The following LCORL variants were observed in gnomAD, a reference collection of about 807,000 sequenced individuals.
LCORL encodes ligand dependent nuclear receptor corepressor like, also known as ligand-dependent nuclear receptor corepressor-like protein.
A neutral mutation model predicts 141.8 loss-of-function variants in LCORL; 41 were observed. That is an observed-to-expected ratio of 0.29 (90% CI 0.23 to 0.38). LCORL has a LOEUF of 0.38. LCORL is among the 10% of genes least tolerant of loss of function. The pLI, the probability that LCORL is intolerant of heterozygous loss-of-function variation, is 1.00. For missense variants in LCORL, 1,759 were observed against 2,035.0 expected (o/e 0.86, Z 2.61); for synonymous variants, 618 against 694.1 (o/e 0.89, Z 1.72).
chr4:17,865,615 T>G (rs1725548146), intron 7 of LCORL, among the ~76,000 whole-genome samples: 1 of 152,228 alleles, frequency 6.6e-6, no homozygotes, highest in Non-Finnish European at 1.5e-5. Flanking sequence ...GAAGAAGTGT[T>G]TAAAGGGAAA....
chr4:17,882,667 T>C (rs1727730830), intron 6 of LCORL: 1 of 984,676 alleles, frequency 1.0e-6, no homozygotes. Context: ...AAATGAAATC[T>C]GCAATTCATT....
chr4:17,846,285 T>C (rs769520258), intron 7 of LCORL, among the ~76,000 whole-genome samples: 1 of 152,192 alleles, frequency 6.6e-6, no homozygotes, highest in Non-Finnish European at 1.5e-5. Context: ...TGAATGCCTA[T>C]TACGTTCTAG....
chr4:17,876,659 C>A, exon 7 of LCORL: 2 of 1,230,744 alleles, frequency 1.6e-6, no homozygotes, highest in Non-Finnish European at 2.0e-6. Context: ...ACCCTGGAGG[C>A]ACAATATTTC....
chr4:17,968,285 T>C (rs1390524837), intron 2 of LCORL, among the ~76,000 whole-genome samples: 1 of 152,204 alleles, frequency 6.6e-6, no homozygotes, highest in African/African-American at 2.4e-5. Context: ...GCTAATATAA[T>C]TTGTAACTAA....
intron 4 of LCORL, among the ~76,000 whole-genome samples, chr4:17,917,894 C>T (rs1365833085): frequency 6.6e-6 from 1 of 152,170 alleles, no homozygotes; most frequent in Non-Finnish European, 1.5e-5. Context: ...TATCATGGCA[C>T]TTTAAATTGC....
At chr4:17,970,135 A>G (rs1715660478) in intron 2 of LCORL, among the ~76,000 whole-genome samples, 2 of 152,222 alleles carry the variant, frequency 1.3e-5, no homozygotes, top group Non-Finnish European at 1.5e-5. Context: ...TTTGTGTCTC[A>G]ATAGAATGGA....
At chr4:17,968,522 C>T (rs1715354290) in intron 2 of LCORL, among the ~76,000 whole-genome samples, 1 of 152,116 alleles carries the variant, frequency 6.6e-6, no homozygotes, top group Non-Finnish European at 1.5e-5. Flanking sequence ...TTGTTGTCTC[C>T]ATCATAGTGT....
At chr4:17,868,447 TTA>T in intron 7 of LCORL, among the ~76,000 whole-genome samples, 1 of 152,168 alleles carries the variant, frequency 6.6e-6, no homozygotes, top group Non-Finnish European at 1.5e-5. Context: ...TATTTGATTC[TTA>T]AAAGTTTACT....
intron 1 of LCORL, among the ~76,000 whole-genome samples, chr4:18,001,239 TTG>T (rs1721908666): frequency 6.6e-6 from 1 of 152,162 alleles, no homozygotes; most frequent in African/African-American, 2.4e-5. Context: ...CTCAAGATTA[TTG>T]TGAGGATTAA....
At chr4:18,000,125 T>A (rs1457663331) in intron 1 of LCORL, among the ~76,000 whole-genome samples, 2 of 134,284 alleles carry the variant, frequency 1.5e-5, no homozygotes, top group African/African-American at 5.9e-5. Flanking sequence ...GATTTGTGGT[T>A]CTTTTTTTTT....
chr4:17,903,879 CAACA>C (rs1479826461), intron 5 of LCORL, among the ~76,000 whole-genome samples: 1 of 151,880 alleles, frequency 6.6e-6, no homozygotes, highest in East Asian at 1.9e-4. Flanking sequence ...CTAATAGTTT[CAACA>C]AACATTTACA....
chr4:17,917,077 C>A (rs35811473), intron 4 of LCORL, among the ~76,000 whole-genome samples: 19,724 of 152,072 alleles, frequency 0.13, 1,392 homozygotes, highest in South Asian at 0.26. Flanking sequence ...TGGGTTCCAG[C>A]GATTCTCCTG....
At chr4:17,944,322 G>A (rs149619618) in intron 4 of LCORL, among the ~76,000 whole-genome samples, 2 of 151,914 alleles carry the variant, frequency 1.3e-5, no homozygotes, top group African/African-American at 4.8e-5. Flanking sequence ...CCTTTTCTTT[G>A]TACCTATTCA....
At chr4:18,008,676 T>A (rs891289896) in intron 1 of LCORL, among the ~76,000 whole-genome samples, 1 of 152,174 alleles carries the variant, frequency 6.6e-6, no homozygotes, top group Non-Finnish European at 1.5e-5. Flanking sequence ...ATAATACATA[T>A]AAAAACTTAG....
At chr4:17,842,526 A>G in exon 8 of LCORL, 1 of 636,990 alleles carries the variant, frequency 1.6e-6, no homozygotes, top group Admixed American at 3.0e-5. Flanking sequence ...ATATAGTCTA[A>G]AATTCCATCA....
At chr4:17,886,313 T>A (rs1215584098) in intron 5 of LCORL, 152 bp from the exon 6 acceptor site, 1 of 547,792 alleles carries the variant, frequency 1.8e-6, no homozygotes, top group Non-Finnish European at 3.2e-6. Context: ...AGGAACAGGA[T>A]ATGACTGGGA....
At chr4:17,926,101 T>A (rs1038917843) in intron 4 of LCORL, among the ~76,000 whole-genome samples, 1 of 152,162 alleles carries the variant, frequency 6.6e-6, no homozygotes. Context: ...AATTATTACA[T>A]TACTGTCTTT....
chr4:17,891,291 C>T (rs774380968), intron 5 of LCORL, among the ~76,000 whole-genome samples: 5 of 152,030 alleles, frequency 3.3e-5, no homozygotes, highest in Non-Finnish European at 4.4e-5. Context: ...GGAAGAATTA[C>T]CTGAGCCCAG....
At chr4:17,860,087 A>G (rs1724826333) in intron 7 of LCORL, among the ~76,000 whole-genome samples, 2 of 152,232 alleles carry the variant, frequency 1.3e-5, no homozygotes, top group African/African-American at 4.8e-5. Flanking sequence ...TAGAGATTCA[A>G]TGCTATTCCT....
Sources: allele counts gnomAD v4.1 joint callset (sites outside exome capture counted in the v4.1 genomes callset), GRCh38; gene constraint gnomAD v4.1.1; transcripts MANE v1.5; gene names NCBI Gene and HGNC (gene_info 2026-07-23, HGNC 2026-07-21).